The following ENOX1 variants were observed in gnomAD, a reference collection of about 807,000 sequenced individuals.
ENOX1 encodes candidate growth-related and time keeping constitutive hydroquinone (NADH) oxidase.
A neutral mutation model predicts 82.5 loss-of-function variants in ENOX1; 42 were observed. That is an observed-to-expected ratio of 0.51 (90% confidence interval 0.40 to 0.66). ENOX1 has a LOEUF of 0.66. Ranked by LOEUF, ENOX1 falls within the 30% of genes least tolerant of loss-of-function variation. ENOX1 has a pLI of 0.00. For synonymous variants in ENOX1, 271 were observed against 282.2 expected (o/e 0.96, Z 0.40); for missense variants, 608 against 811.6 (o/e 0.75, Z 3.05).
intron 2 of ENOX1, among the ~76,000 whole-genome samples, chr13:43,630,618 G>C (rs1028271508): frequency 1.3e-5 from 2 of 151,320 alleles, no homozygotes; most frequent in Admixed American, 6.6e-5. Context: ...ATGTAGAATA[G>C]AGGGTGTGTG....
intron 2 of ENOX1, among the ~76,000 whole-genome samples, chr13:43,497,363 C>T (rs2076830961): frequency 6.6e-6 from 1 of 152,132 alleles, no homozygotes; most frequent in South Asian, 2.1e-4. Context: ...GGAAAGTATT[C>T]ACTGTTAACA....
chr13:43,411,270 C>T (rs2054110434), intron 5 of ENOX1, among the ~76,000 whole-genome samples: 1 of 152,174 alleles, frequency 6.6e-6, no homozygotes, highest in East Asian at 1.9e-4. Context: ...TTTCTCAAAG[C>T]ACTTTTTACA....
chr13:43,773,859 A>T (rs1274788257), intron 1 of ENOX1, among the ~76,000 whole-genome samples: 1 of 152,208 alleles, frequency 6.6e-6, no homozygotes, highest in Non-Finnish European at 1.5e-5. Flanking sequence ...ACTTGGCACA[A>T]CAAATACCTA....
At position 43,520,711 on chromosome 13, in the gene ENOX1, T is replaced by C. The variant is rs74063382; in HGVS notation, c.-218-36559A>G. ...ATGTGAGGATTTGAAAAGAAAGTGGTACTGAGACAGAAGACATAATTTAAG... is the reference window on the plus strand; with the variant it reads ...ATGTGAGGATTTGAAAAGAAAGTGGCACTGAGACAGAAGACATAATTTAAG... On this transcript the variant is annotated intron_variant, in intron 2 of 16. Transcript: ENST00000690772. Among the ~76,000 whole-genome samples, 1,146 of 152,172 alleles carry C rather than the reference T, an allele frequency of 7.5e-3. 12 individuals carry two copies. The highest frequency in any genetic ancestry group is 0.026 in the African/African-American group (1,088 of 41,520).
Position 43,236,651 on chromosome 13 carries a change from C to G in ENOX1, c.1699G>C (p.Glu567Gln). The G allele has an allele frequency of 6.3e-7, 1 of 1,579,238 alleles. No homozygotes were observed. Among genetic ancestry groups the G allele is most frequent in the Non-Finnish European group, 8.5e-7 (1 of 1,170,072 alleles). The change falls in exon 15 of 17, where the codon GAA (glutamate) becomes CAA (glutamine). Residue 567 changes from glutamate to glutamine, a missense_variant. Physicochemically the swap from Glu to Gln is conservative, Grantham distance 29. Coordinates refer to ENST00000690772, the MANE Select transcript of ENOX1 (RefSeq NM_001347969.2). ...KRSQGLKSEK[E>Q]ALLIGIISTF... ...ATTTCCTTACCTATTAGCAGAGCTT[C>G]TTTCTCTGATTTTAAGCCTTGGCTT...
intron 9 of ENOX1, among the ~76,000 whole-genome samples, chr13:43,343,976 A>T: frequency 6.6e-6 from 1 of 152,184 alleles, no homozygotes; most frequent in East Asian, 1.9e-4. Context: ...TAAAAAAAAA[A>T]TCACTGGCAT....
chr13:43,706,555 A>C (rs994554237), intron 1 of ENOX1, among the ~76,000 whole-genome samples: 1 of 151,990 alleles, frequency 6.6e-6, no homozygotes, highest in Non-Finnish European at 1.5e-5. Context: ...CAGCTTGACC[A>C]TATGGTATTT....
chr13:43,478,418 C>T (rs534617342), intron 3 of ENOX1, among the ~76,000 whole-genome samples: 22 of 151,998 alleles, frequency 1.4e-4, no homozygotes, highest in Non-Finnish European at 3.2e-4. Flanking sequence ...ATGAGAAATT[C>T]TGAGAAGCCA....
intron 1 of ENOX1, among the ~76,000 whole-genome samples, chr13:43,745,841 C>A (rs1391796757): frequency 6.6e-6 from 1 of 152,006 alleles, no homozygotes. Flanking sequence ...GGGGCTTTTC[C>A]CCCTTTTGGT....
At chr13:43,785,339 C>G (rs1952504543) in intron 1 of ENOX1, among the ~76,000 whole-genome samples, 1 of 152,168 alleles carries the variant, frequency 6.6e-6, no homozygotes, top group African/African-American at 2.4e-5. Flanking sequence ...ACCTGCGTCT[C>G]TCCTCCAGGA....
chr13:43,601,074 A>G (rs1002278886), intron 2 of ENOX1, among the ~76,000 whole-genome samples: 1 of 152,126 alleles, frequency 6.6e-6, no homozygotes, highest in African/African-American at 2.4e-5. Context: ...GGTACAAACA[A>G]GCCCAGACTA....
chr13:43,246,279 A>C (rs1440128544), intron 14 of ENOX1, among the ~76,000 whole-genome samples: 3 of 152,204 alleles, frequency 2.0e-5, no homozygotes, highest in Non-Finnish European at 4.4e-5. Context: ...TCAGGATCTG[A>C]ACCAATGCTG....
chr13:43,262,630 G>T (rs1287239284), intron 14 of ENOX1, among the ~76,000 whole-genome samples: 1 of 151,974 alleles, frequency 6.6e-6, no homozygotes, highest in African/African-American at 2.4e-5. Flanking sequence ...GGGCTCAAGT[G>T]ATCCTCCTGC....
chr13:43,559,109 C>A (rs1408334453), intron 2 of ENOX1, among the ~76,000 whole-genome samples: 2 of 152,156 alleles, frequency 1.3e-5, no homozygotes, highest in Non-Finnish European at 2.9e-5. Context: ...CTAAATCTGG[C>A]AAACTCATAC....
chr13:43,774,750 A>G (rs1951819878), intron 1 of ENOX1, among the ~76,000 whole-genome samples: 1 of 152,250 alleles, frequency 6.6e-6, no homozygotes. Context: ...ACCAGCCCAC[A>G]ACACATCCCC....
At chr13:43,679,689 A>T (rs557852847) in intron 1 of ENOX1, among the ~76,000 whole-genome samples, 1 of 152,178 alleles carries the variant, frequency 6.6e-6, no homozygotes, top group Non-Finnish European at 1.5e-5. Context: ...CAACACTTAT[A>T]TTCTATGATC....
intron 1 of ENOX1, among the ~76,000 whole-genome samples, chr13:43,750,376 G>C (rs866950116): frequency 5.3e-5 from 8 of 152,160 alleles, no homozygotes; most frequent in Non-Finnish European, 1.0e-4. Flanking sequence ...TAACATTCCA[G>C]CTGAGGGATT....
rs117687255 is a variant in ENOX1 at position 43,424,160 on chromosome 13, G to T, written c.-74-11172C>A. On this transcript the variant is annotated intron_variant, in intron 3 of 16. Coordinates refer to ENST00000690772, the MANE Select transcript of ENOX1 (RefSeq NM_001347969.2). Reference sequence around the variant, plus strand: ...AGAAAGGCAATGTTGGTCACATCCCGGCCTCTTCAGCTGCACTGATACACA... The same window carrying T: ...AGAAAGGCAATGTTGGTCACATCCCTGCCTCTTCAGCTGCACTGATACACA... Among the ~76,000 whole-genome samples, 108 of 152,244 alleles carry T rather than the reference G, an allele frequency of 7.1e-4. 1 individual carries two copies. In the East Asian group the frequency reaches 0.019, roughly 27 times the overall value.
At chr13:43,588,483 T>C (rs917327343) in intron 2 of ENOX1, among the ~76,000 whole-genome samples, 3 of 152,110 alleles carry the variant, frequency 2.0e-5, no homozygotes, top group African/African-American at 7.2e-5. Flanking sequence ...AAAAAAATAA[T>C]GAATAAGATT....
Sources: allele counts gnomAD v4.1 joint callset (sites outside exome capture counted in the v4.1 genomes callset), GRCh38; gene constraint gnomAD v4.1.1; transcripts MANE v1.5; gene names NCBI Gene and HGNC (gene_info 2026-07-23, HGNC 2026-07-21).